NXPH1: variants seen among roughly 807,000 people sequenced by gnomAD.
The protein encoded by NXPH1 is neurexophilin-1.
Under a neutral mutation model 23.7 loss-of-function variants are expected in NXPH1, and 5 were observed. That is an observed-to-expected ratio of 0.21 (90% CI 0.11 to 0.44). NXPH1 has a LOEUF of 0.44. Ranked by LOEUF, NXPH1 falls within the 20% of genes least tolerant of loss-of-function variation. The pLI is 0.99. For synonymous variants in NXPH1, 144 were observed against 122.2 expected (o/e 1.18, Z -1.18); for missense variants, 324 against 321.6 (o/e 1.01, Z -0.06).
At chr7:8,494,172 T>A (rs965529302) in intron 2 of NXPH1, among the ~76,000 whole-genome samples, 7 of 147,800 alleles carry the variant, frequency 4.7e-5, no homozygotes, top group Admixed American at 1.4e-4. Flanking sequence ...AAATTAGATT[T>A]CTTGATTTTT....
chr7:8,538,047 CT>C (rs750363800), intron 2 of NXPH1, among the ~76,000 whole-genome samples: 4 of 151,854 alleles, frequency 2.6e-5, no homozygotes, highest in Non-Finnish European at 4.4e-5. Flanking sequence ...GCTTCTCATC[CT>C]TTGGCTAAGA....
chr7:8,680,550 AC>A (rs373000212), intron 2 of NXPH1, among the ~76,000 whole-genome samples: 61 of 152,364 alleles, frequency 4.0e-4, no homozygotes, highest in African/African-American at 1.4e-3. Flanking sequence ...TTGTTCAATG[AC>A]AAAAAAGCAT....
intron 2 of NXPH1, among the ~76,000 whole-genome samples, chr7:8,463,376 T>G (rs1196458286): frequency 6.6e-6 from 1 of 152,144 alleles, no homozygotes; most frequent in African/African-American, 2.4e-5. Context: ...TAGACATTTA[T>G]ATTTTTTAAC....
rs1461887725 is a variant in NXPH1 at position 8,552,127 on chromosome 7, A to C, written c.54+116360A>C. Among the ~76,000 whole-genome samples the C allele has an allele frequency of 3.9e-3, 582 of 148,424 alleles. 15 individuals are homozygous for C. The highest frequency in any genetic ancestry group is 0.033 in the East Asian group (167 of 5,058). Reference sequence around the variant, plus strand: ...CAGAAAAAAAACCAAAAAAAAAAAAAAAAAAAAAAAAAAAACCACCAAAAC... The same window carrying C: ...CAGAAAAAAAACCAAAAAAAAAAAACAAAAAAAAAAAAAAACCACCAAAAC... On this transcript the variant is annotated intron_variant, in intron 2 of 2. Transcript: ENST00000405863.
chr7:8,498,274 C>A (rs1817372600), intron 2 of NXPH1, among the ~76,000 whole-genome samples: 2 of 151,992 alleles, frequency 1.3e-5, no homozygotes, highest in South Asian at 4.1e-4. Flanking sequence ...CACCGCTAAC[C>A]AATTAAGTAT....
chr7:8,440,753 A>G (rs776745346), intron 2 of NXPH1, among the ~76,000 whole-genome samples: 1 of 151,024 alleles, frequency 6.6e-6, no homozygotes, highest in African/African-American at 2.4e-5. Context: ...CTTTGATTTT[A>G]TAGGGGGTGG....
chr7:8,600,254 A>G (rs1172235528), intron 2 of NXPH1, among the ~76,000 whole-genome samples: 2 of 152,174 alleles, frequency 1.3e-5, no homozygotes, highest in Non-Finnish European at 2.9e-5. Context: ...TTGGAAACCC[A>G]TGCCAGTGAT....
chr7:8,582,506 G>A, intron 2 of NXPH1, among the ~76,000 whole-genome samples: 1 of 152,186 alleles, frequency 6.6e-6, no homozygotes. Context: ...GTCCCGACGA[G>A]TGTCCAGCTC....
chr7:8,555,324 G>T (rs1473049141), intron 2 of NXPH1, among the ~76,000 whole-genome samples: 1 of 151,634 alleles, frequency 6.6e-6, no homozygotes, highest in East Asian at 2.0e-4. Context: ...CCATTTTGAA[G>T]TGTGTCTCTT....
At chr7:8,470,209 T>C (rs891451915) in intron 2 of NXPH1, among the ~76,000 whole-genome samples, 1 of 152,124 alleles carries the variant, frequency 6.6e-6, no homozygotes, top group Admixed American at 6.6e-5. Context: ...CCATTTACAC[T>C]GTACTTTTAT....
In NXPH1 at chr7:8,500,478, C is replaced by T. The variant is rs562690738; in HGVS notation, c.54+64711C>T. Among the ~76,000 whole-genome samples the T allele has an allele frequency of 5.3e-5, 8 of 152,174 alleles. No homozygotes were observed. The East Asian group carries it at 1.4e-3, about 26-fold the overall frequency. ...GCAGGTTGCCAACCTCTCTGTGATT[C>T]AGAAATGGCATCTGCCTTATTTGGC... On this transcript the variant is annotated intron_variant, in intron 2 of 2. Transcript: ENST00000405863.
At chr7:8,542,622 AG>A (rs1818137068) in intron 2 of NXPH1, among the ~76,000 whole-genome samples, 1 of 151,656 alleles carries the variant, frequency 6.6e-6, no homozygotes, top group Admixed American at 6.6e-5. Flanking sequence ...CACAAAAACT[AG>A]TTTCTCTGAC....
At chr7:8,740,209 G>A (rs1006987219) in intron 2 of NXPH1, among the ~76,000 whole-genome samples, 1 of 152,160 alleles carries the variant, frequency 6.6e-6, no homozygotes, top group Non-Finnish European at 1.5e-5. Context: ...CAAACTGCAT[G>A]TAACGCTATA....
chr7:8,548,967 A>G (rs1254754958), intron 2 of NXPH1, among the ~76,000 whole-genome samples: 7 of 151,568 alleles, frequency 4.6e-5, no homozygotes, highest in Non-Finnish European at 1.0e-4. Flanking sequence ...GGAATATTGG[A>G]TTATACATAT....
chr7:8,581,743 G>T (rs1472593520), intron 2 of NXPH1, among the ~76,000 whole-genome samples: 1 of 152,202 alleles, frequency 6.6e-6, no homozygotes, highest in Non-Finnish European at 1.5e-5. Context: ...ATAGGAAATT[G>T]TAGGTAACTA....
intron 2 of NXPH1, among the ~76,000 whole-genome samples, chr7:8,672,980 A>C (rs1001651392): frequency 1.3e-5 from 2 of 152,164 alleles, no homozygotes; most frequent in South Asian, 4.1e-4. Context: ...CTTACCATCA[A>C]GATTGCTTTA....
intron 2 of NXPH1, among the ~76,000 whole-genome samples, chr7:8,694,592 AT>A (rs890093646): frequency 3.3e-5 from 5 of 152,018 alleles, no homozygotes; most frequent in African/African-American, 4.8e-5. Flanking sequence ...TAACACATCT[AT>A]TTTTTTCATA....
chr7:8,568,464 G>A (rs897458838), intron 2 of NXPH1, among the ~76,000 whole-genome samples: 3 of 151,824 alleles, frequency 2.0e-5, no homozygotes, highest in Admixed American at 1.3e-4. Context: ...GCTGTATTTT[G>A]TATGTAAACT....
At chr7:8,645,683 G>C (rs1439544691) in intron 2 of NXPH1, among the ~76,000 whole-genome samples, 1 of 151,708 alleles carries the variant, frequency 6.6e-6, no homozygotes, top group Non-Finnish European at 1.5e-5. Context: ...CTGTATCTTG[G>C]TCTTAAAGTT....
Sources: gnomAD v4.1 joint callset for allele counts (sites outside exome capture counted in the v4.1 genomes callset) on GRCh38, gnomAD v4.1.1 for gene constraint, MANE v1.5 for transcripts, NCBI Gene and HGNC (gene_info 2026-07-23, HGNC 2026-07-21) for gene names.